ATAD2B: variants seen among roughly 807,000 people sequenced by gnomAD.
The protein encoded by ATAD2B is ATPase family AAA domain containing 2B, also known as ATPase family AAA domain-containing protein 2B.
ATAD2B carries 40 observed loss-of-function variants against 167.6 expected under a neutral mutation model. The ratio of observed to expected loss-of-function variants is 0.24; its 90% CI spans 0.19 to 0.31. ATAD2B has a LOEUF of 0.31. Ranked by LOEUF, ATAD2B falls within the 10% of genes least tolerant of loss-of-function variation. The pLI is 1.00. For missense variants in ATAD2B, 1,242 were observed against 1,757.2 expected (o/e 0.71, Z 5.24); for synonymous variants, 579 against 596.5 (o/e 0.97, Z 0.43).
intron 13 of ATAD2B, among the ~76,000 whole-genome samples, chr2:23,836,354 G>C (rs964971868): frequency 2.6e-5 from 4 of 152,208 alleles, no homozygotes; most frequent in Admixed American, 2.6e-4. Flanking sequence ...GGAGACTCCA[G>C]GAACTGCAGG....
the ATAD2B span, chr2:23,684,306 T>C: frequency 1.1e-6 from 1 of 944,164 alleles, no homozygotes; most frequent in Non-Finnish European, 1.5e-6. This position sits in a 1 kb window ranked among gnomAD's most constrained non-coding sequence, Gnocchi z 4.4. Flanking sequence ...CCTATTTCTC[T>C]ACTTCTTGAA....
At chr2:23,695,745 G>A in the ATAD2B span, 11 of 1,551,464 alleles carry the variant, frequency 7.1e-6, no homozygotes, top group Admixed American at 9.8e-5. This position sits in a 1 kb window ranked among gnomAD's most constrained non-coding sequence, Gnocchi z 7.6. Flanking sequence ...TGGTGAACGA[G>A]GCCAAACGCT....
chr2:23,763,677 C>A (rs968860550), intron 23 of ATAD2B, among the ~76,000 whole-genome samples: 2 of 152,136 alleles, frequency 1.3e-5, no homozygotes, highest in African/African-American at 4.8e-5. Context: ...GCAGCCTCAA[C>A]CTTCTGGGCT....
intron 15 of ATAD2B, among the ~76,000 whole-genome samples, chr2:23,827,616 G>A (rs915116101): frequency 6.6e-6 from 1 of 152,060 alleles, no homozygotes; most frequent in Non-Finnish European, 1.5e-5. Context: ...AATAAAAGGG[G>A]TCTATTTTCA....
chr2:23,750,365 TGCAAAGAA>T lies in ATAD2B; in HGVS notation c.*1673_*1680del, dbSNP rs904975745. On this transcript the variant is annotated 3_prime_UTR_variant, in exon 28 of 28. Transcript: ENST00000238789. The stretch of plus-strand genomic sequence containing the variant: ...AGAAGGCGTTAGATGTAAATGTAAA[TGCAAAGAA>T]GCACTTTGGATTACTGCAGTAGGCT... 4 of 152,068 alleles carry T rather than the reference TGCAAAGAA, an allele frequency of 2.6e-5. No individual in the cohort carries two copies. Among genetic ancestry groups the T allele is most frequent in the African/African-American group, 9.7e-5 (4 of 41,426 alleles). The allele number at this position is 152,068 out of a possible 1,614,324, so 9.4% of individuals were successfully genotyped here.
At chr2:23,832,154 C>T (rs1344731905) in intron 14 of ATAD2B, 4 of 455,364 alleles carry the variant, frequency 8.8e-6, no homozygotes, top group Admixed American at 5.0e-5. Flanking sequence ...CTCATTGATA[C>T]ATTTTCTTCA....
At chr2:23,700,928 C>T in the ATAD2B span, among the ~76,000 whole-genome samples, 1 of 152,184 alleles carries the variant, frequency 6.6e-6, no homozygotes, top group Non-Finnish European at 1.5e-5. The surrounding 1 kb of genome is among the most constrained non-coding windows in gnomAD (Gnocchi z 4.6). Context: ...CCCAGTTTGT[C>T]CTCAGCCCCC....
rs1558570355 is a variant in ATAD2B, at chr2:23,808,146, A to ATATAAGTGATTAC, written c.2454+2169_2454+2170insGTAATCACTTATA. Among the ~76,000 whole-genome samples, 49 of 72,822 alleles carry ATATAAGTGATTAC rather than the reference A, an allele frequency of 6.7e-4. 3 individuals are homozygous for ATATAAGTGATTAC. The highest frequency in any genetic ancestry group is 2.0e-3 in the East Asian group (7 of 3,544). The allele number at this position is 72,822 out of a possible 152,430, so 47.8% of individuals were successfully genotyped here. A position where few individuals can be genotyped will look rare whatever the true frequency, so the allele number is the denominator to read the frequency against. The stretch of plus-strand genomic sequence containing the variant: ...TTATTATATATAAGTGATTACTTAT[A>ATATAAGTGATTAC]TTATATGTTATTTATATATAAGTGA... On this transcript the variant is annotated intron_variant, in intron 18 of 27. Transcript: ENST00000238789.
At chr2:23,916,999 G>T (rs1303900556) in intron 1 of ATAD2B, among the ~76,000 whole-genome samples, 1 of 152,204 alleles carries the variant, frequency 6.6e-6, no homozygotes, top group Non-Finnish European at 1.5e-5. Context: ...CACAATGCTA[G>T]ATTCTTGGGA....
intron 17 of ATAD2B, 48 bp from the exon 18 acceptor site, chr2:23,810,550 G>T: frequency 6.8e-7 from 1 of 1,477,052 alleles, no homozygotes; most frequent in South Asian, 1.3e-5. Flanking sequence ...ACATTCTGAA[G>T]ACAAATATGA....
At position 23,757,802 on chromosome 2, in the gene ATAD2B, C is replaced by T. The variant is rs372393038; in HGVS notation, c.3694G>A (p.Ala1232Thr). The change falls in exon 25 of 28, where the codon GCA becomes ACA. Residue 1232 changes from alanine (A) to threonine (T), a missense_variant. Around this residue, in one of 9 missense-constraint regions of ATAD2B, gnomAD observed 282 missense variants for 346.8 expected, o/e 0.81. Transcript: ENST00000238789. ...TTTGAACTTTCCTCCTCAGTAGATG[C>T]AAAGTTCTCTTTTGTGCCTGCTCCA... Reference protein sequence around the residue: ...NNGAGTKENFASTEEESSNES... With the variant: ...NNGAGTKENFTSTEEESSNES... The T allele has an allele frequency of 6.4e-7, 1 of 1,571,150 alleles. No homozygotes were observed. The highest frequency in any genetic ancestry group is 8.6e-7 in the Non-Finnish European group (1 of 1,163,976).
chr2:23,924,667 A>G (rs1020188257), intron 1 of ATAD2B, among the ~76,000 whole-genome samples: 1 of 152,218 alleles, frequency 6.6e-6, no homozygotes, highest in Non-Finnish European at 1.5e-5. Context: ...CAAATATTTC[A>G]AAGTAAATCT....
At chr2:23,719,462 C>G in the ATAD2B span, among the ~76,000 whole-genome samples, 1 of 152,176 alleles carries the variant, frequency 6.6e-6, no homozygotes, top group Non-Finnish European at 1.5e-5. Flanking sequence ...TCACTTCCCC[C>G]ACTCCATCCA....
chr2:23,703,984 C>A, the ATAD2B span: 1 of 1,152,418 alleles, frequency 8.7e-7, no homozygotes, highest in Non-Finnish European at 1.2e-6. Context: ...AGCAGTGGCC[C>A]TCCCCCTCCA....
chr2:23,739,313 C>T, the ATAD2B span, among the ~76,000 whole-genome samples: 1 of 152,170 alleles, frequency 6.6e-6, no homozygotes, highest in African/African-American at 2.4e-5. Flanking sequence ...AAGCACTCCT[C>T]AGCAAATGTA....
At chr2:23,922,353 G>A (rs1704059882) in intron 1 of ATAD2B, among the ~76,000 whole-genome samples, 1 of 152,006 alleles carries the variant, frequency 6.6e-6, no homozygotes, top group African/African-American at 2.4e-5. Flanking sequence ...ATCTAAAAGG[G>A]GTCAAGCTTT....
the ATAD2B span, among the ~76,000 whole-genome samples, chr2:23,737,718 G>A: frequency 6.6e-6 from 1 of 152,354 alleles, no homozygotes; most frequent in East Asian, 1.9e-4. Flanking sequence ...GACAAGTTGA[G>A]AGAAGAAGGT....
the ATAD2B span, among the ~76,000 whole-genome samples, chr2:23,698,808 C>T: frequency 5.3e-5 from 8 of 152,152 alleles, no homozygotes; most frequent in African/African-American, 1.7e-4. Context: ...ACAGATTGAG[C>T]TGACGGGAGG....
the ATAD2B span, among the ~76,000 whole-genome samples, chr2:23,700,213 A>AAATT: frequency 1.4e-4 from 21 of 152,332 alleles, no homozygotes; most frequent in East Asian, 4.0e-3. This position sits in a 1 kb window ranked among gnomAD's most constrained non-coding sequence, Gnocchi z 4.6. Context: ...TTCCCCTTAA[A>AAATT]AATTAAAACA....
Sources: allele counts gnomAD v4.1 joint callset (sites outside exome capture counted in the v4.1 genomes callset), GRCh38; gene constraint gnomAD v4.1.1; regional missense constraint gnomAD v4.1.1; non-coding constraint Gnocchi (gnomAD v3.1); transcripts MANE v1.5; gene names NCBI Gene and HGNC (gene_info 2026-07-23, HGNC 2026-07-21).